The following ZBTB38 variants were observed in gnomAD, a reference collection of about 807,000 sequenced individuals.
The protein encoded by ZBTB38 is zinc finger and BTB domain-containing protein 38.
In ZBTB38, 20 loss-of-function variants were observed where a neutral mutation model predicts 76.8. The observed-to-expected ratio is 0.26, with a 90% CI of 0.18 to 0.38. ZBTB38 has a LOEUF of 0.38. ZBTB38 is among the 10% of genes least tolerant of loss of function. The pLI is 1.00. For missense variants in ZBTB38, 1,082 were observed against 1,482.3 expected (o/e 0.73, Z 4.43); for synonymous variants, 504 against 544.2 (o/e 0.93, Z 1.03).
intron 1 of ZBTB38, among the ~76,000 whole-genome samples, chr3:141,325,477 G>A (rs1222455547): frequency 6.6e-6 from 1 of 152,166 alleles, no homozygotes; most frequent in African/African-American, 2.4e-5. Context: ...AGTTTGTACA[G>A]AGTCAGGCTG....
chr3:141,371,043 T>G, intron 2 of ZBTB38, among the ~76,000 whole-genome samples: 1 of 137,916 alleles, frequency 7.3e-6, no homozygotes, highest in East Asian at 2.0e-4. Context: ...TTTTCTTTCT[T>G]TCTTTTTTTT....
intron 1 of ZBTB38, among the ~76,000 whole-genome samples, chr3:141,348,810 TA>T (rs1559916160): frequency 6.6e-6 from 1 of 152,198 alleles, no homozygotes; most frequent in Admixed American, 6.5e-5. Context: ...TAATGGCATT[TA>T]AAAAGTGATA....
intron 2 of ZBTB38, among the ~76,000 whole-genome samples, chr3:141,373,095 G>A (rs1944868663): frequency 6.6e-6 from 1 of 152,138 alleles, no homozygotes; most frequent in Non-Finnish European, 1.5e-5. Flanking sequence ...ATAGATCCCT[G>A]TGACCACTGG....
chr3:141,342,513 T>G (rs1943228011), intron 1 of ZBTB38, among the ~76,000 whole-genome samples: 2 of 151,670 alleles, frequency 1.3e-5, no homozygotes, highest in Non-Finnish European at 2.9e-5. Context: ...TCTGAAGCAA[T>G]CAACCACACA....
Position 141,442,694 on chromosome 3 carries a change from A to G in ZBTB38, c.306A>G (p.Glu102=). ...YSSTVVVKRQ[E]TVTDLAAAGK... is the part of the protein sequence containing the mutation. ...CCACAGTCGTTGTCAAGAGACAGGA[A>G]ACAGTCACTGATCTCGCAGCTGCAG... Residue 102 remains glutamate (E), a synonymous_variant, in exon 6 of 6, where the codon GAA becomes GAG. Coordinates refer to ENST00000321464, the MANE Select transcript of ZBTB38 (RefSeq NM_001376113.1). The surrounding 1 kb of genome is among the most constrained non-coding windows in gnomAD (Gnocchi z 6.4). The G allele has an allele frequency of 1.9e-6, 3 of 1,614,248 alleles. No homozygotes were observed. The highest frequency in any genetic ancestry group is 1.7e-5 in the Admixed American group (1 of 60,034).
At chr3:141,410,273 G>T (rs1003854923) in intron 5 of ZBTB38, among the ~76,000 whole-genome samples, 1 of 152,154 alleles carries the variant, frequency 6.6e-6, no homozygotes, top group East Asian at 1.9e-4. Context: ...TGAATTTAAG[G>T]GTGGGAGATT....
intron 2 of ZBTB38, among the ~76,000 whole-genome samples, chr3:141,376,067 C>A (rs936111179): frequency 6.6e-6 from 1 of 152,138 alleles, no homozygotes; most frequent in Non-Finnish European, 1.5e-5. Context: ...GCCTGCATAA[C>A]CCTGCTGAAA....
chr3:141,423,952 C>T (rs763200209), intron 5 of ZBTB38, among the ~76,000 whole-genome samples: 2 of 152,106 alleles, frequency 1.3e-5, no homozygotes, highest in Admixed American at 6.6e-5. Flanking sequence ...GTAAACAGAT[C>T]GGAGAGGTAA....
intron 4 of ZBTB38, chr3:141,403,300 C>T (rs1190670171): frequency 6.6e-6 from 1 of 152,196 alleles, no homozygotes; most frequent in Non-Finnish European, 1.5e-5. Flanking sequence ...TGGTCAGATT[C>T]TCATGGTTAC....
intron 2 of ZBTB38, among the ~76,000 whole-genome samples, chr3:141,379,104 C>T (rs1388380998): frequency 6.6e-6 from 1 of 152,184 alleles, no homozygotes; most frequent in East Asian, 1.9e-4. Context: ...CAGCTGAATG[C>T]TACAGAGTGA....
chr3:141,336,219 A>G (rs1943011435), intron 1 of ZBTB38, among the ~76,000 whole-genome samples: 1 of 152,184 alleles, frequency 6.6e-6, no homozygotes, highest in Non-Finnish European at 1.5e-5. Flanking sequence ...TCAGCAAAGT[A>G]CAAAGGCACT....
At chr3:141,404,099 A>C (rs1953391605) in intron 5 of ZBTB38, 68 bp downstream of exon 5, 1 of 152,176 alleles carries the variant, frequency 6.6e-6, no homozygotes, top group Non-Finnish European at 1.5e-5. Flanking sequence ...GGACTCCCAA[A>C]GGGTATATGA....
At chr3:141,418,383 A>C (rs2074562051) in intron 5 of ZBTB38, among the ~76,000 whole-genome samples, 3 of 152,056 alleles carry the variant, frequency 2.0e-5, no homozygotes, top group African/African-American at 7.2e-5. Flanking sequence ...CTTGGATTCC[A>C]AGGAAATTCT....
chr3:141,415,059 C>T (rs1418108673), intron 5 of ZBTB38, among the ~76,000 whole-genome samples: 2 of 151,886 alleles, frequency 1.3e-5, no homozygotes, highest in African/African-American at 4.8e-5. Flanking sequence ...TTGTTTCTGG[C>T]ATCATCATCA....
At position 141,443,852 on chromosome 3, in the gene ZBTB38, T is replaced by C. The variant is rs998244883; in HGVS notation, c.1464T>C (p.Tyr488=). The change falls in exon 6 of 6, where the codon TAT becomes TAC. Residue 488 remains tyrosine, a synonymous_variant. Transcript: ENST00000321464. The surrounding 1 kb of genome is among the most constrained non-coding windows in gnomAD (Gnocchi z 5.6). ...HANVHSWRRT[Y]PCHYCNKVFA... is the part of the protein sequence containing the mutation. ...ATGTTCACTCCTGGAGAAGAACATA[T>C]CCTTGCCATTACTGCAACAAAGTAT... The C allele has an allele frequency of 5.6e-6, 9 of 1,613,994 alleles. No homozygotes were observed. The African/African-American group carries it at 1.1e-4, about 19-fold the overall frequency.
At chr3:141,426,972 G>A (rs1318754175) in intron 5 of ZBTB38, among the ~76,000 whole-genome samples, 1 of 151,964 alleles carries the variant, frequency 6.6e-6, no homozygotes, top group African/African-American at 2.4e-5. Context: ...TTTGTGTGTG[G>A]GGTGGGTTCT....
At chr3:141,327,793 A>G (rs1234531744) in intron 1 of ZBTB38, among the ~76,000 whole-genome samples, 1 of 152,234 alleles carries the variant, frequency 6.6e-6, no homozygotes, top group Non-Finnish European at 1.5e-5. Context: ...AATTCTTTGT[A>G]CTATCTTGTC....
intron 4 of ZBTB38, among the ~76,000 whole-genome samples, chr3:141,397,548 C>T (rs1034654283): frequency 3.3e-5 from 5 of 152,156 alleles, no homozygotes; most frequent in East Asian, 1.9e-4. Flanking sequence ...TCTTGACTTT[C>T]GACATACCTT....
In ZBTB38 at chr3:141,444,784, G is replaced by A. The variant is rs1214859115; in HGVS notation, c.2396G>A (p.Gly799Glu). 2.5e-6 allele frequency: 4 copies of A among 1,614,124 alleles called. No homozygotes were observed. Among genetic ancestry groups the A allele is most frequent in the Non-Finnish European group, 3.4e-6 (4 of 1,180,026 alleles). The change falls in exon 6 of 6, where the codon GGA becomes GAA. Residue 799 changes from glycine (G) to glutamate (E), a missense_variant. By Grantham distance (98) the Gly-to-Glu change is moderately conservative (BLOSUM62 -2). Coordinates refer to ENST00000321464, the MANE Select transcript of ZBTB38 (RefSeq NM_001376113.1). This position sits in a 1 kb window ranked among gnomAD's most constrained non-coding sequence, Gnocchi z 5.1. ...GAGTCAAACTATGTTGCTGATCCTGGAGGATCACTGAGCAAAACCACAAAT... is the reference window on the plus strand; with the variant it reads ...GAGTCAAACTATGTTGCTGATCCTGAAGGATCACTGAGCAAAACCACAAAT... ...PEESNYVADPGGSLSKTTNIA... is the reference protein window; with the variant it reads ...PEESNYVADPEGSLSKTTNIA...
Sources: gnomAD v4.1 joint callset for allele counts (sites outside exome capture counted in the v4.1 genomes callset) on GRCh38, gnomAD v4.1.1 for gene constraint, Gnocchi (gnomAD v3.1) non-coding constraint, MANE v1.5 for transcripts, NCBI Gene and HGNC (gene_info 2026-07-23, HGNC 2026-07-21) for gene names.